The following RAB10 variants were observed in gnomAD, a reference collection of about 807,000 sequenced individuals.
The protein encoded by RAB10 is ras-related protein Rab-10.
In RAB10, 5 loss-of-function variants were observed where a neutral mutation model predicts 25.7. That is an observed-to-expected ratio of 0.19 (90% confidence interval 0.10 to 0.41). RAB10 has a LOEUF of 0.41. Among genes scored for constraint, RAB10 ranks in the 10% least tolerant of loss-of-function variants. The pLI, the probability that RAB10 is intolerant of heterozygous loss-of-function variation, is 1.00. For synonymous variants in RAB10, 89 were observed against 86.4 expected, an observed-to-expected ratio of 1.03 and a Z score of -0.16; for missense variants, 103 against 245.8, an observed-to-expected ratio of 0.42 and a Z score of 3.89.
intron 1 of RAB10, among the ~76,000 whole-genome samples, chr2:26,096,170 AAAT>A (rs1426576318): frequency 1.3e-5 from 2 of 152,188 alleles, no homozygotes; most frequent in African/African-American, 4.8e-5. Flanking sequence ...ATTTGTCTGC[AAAT>A]TTACTTAATA....
rs546125636 is a variant in RAB10, at chr2:26,128,593, CA to C, written c.519+645del. On this transcript the variant is annotated intron_variant, in intron 5 of 5. Coordinates refer to ENST00000264710, the MANE Select transcript of RAB10 (RefSeq NM_016131.5). ...TCGCTTAATGAGTACTTTGCATTCT[CA>C]AAGATAATTTAGGAAATTTTAAGAA... Among the ~76,000 whole-genome samples the C allele has an allele frequency of 5.2e-4, 65 of 125,014 alleles. 2 individuals are homozygous for C. In the South Asian group the frequency reaches 0.017, roughly 32 times the overall value. 82.0% of individuals were successfully genotyped at this position (125,014 alleles called of 152,430 possible).
In RAB10 at chr2:26,034,731, C is replaced by T. The variant is rs1665725908; in HGVS notation, c.123C>T (p.Thr41=). ...CCTTCAATACTACCTTTATTTCCAC[C>T]ATAGGTAAGACCTGTGGGAGGACGG... ...DDAFNTTFIS[T]IGIDFKIKTV... The change falls in exon 1 of 6, where the codon ACC becomes ACT. Residue 41 remains threonine, a synonymous_variant. Coordinates refer to ENST00000264710, the MANE Select transcript of RAB10 (RefSeq NM_016131.5). 1 of 1,614,162 alleles carries T rather than the reference C, an allele frequency of 6.2e-7. No homozygotes were observed. The highest frequency in any genetic ancestry group is 8.5e-7 in the Non-Finnish European group (1 of 1,179,994).
At chr2:26,124,986 T>C (rs994833031) in intron 3 of RAB10, among the ~76,000 whole-genome samples, 1 of 152,240 alleles carries the variant, frequency 6.6e-6, no homozygotes, top group African/African-American at 2.4e-5. Context: ...TTATATGCCA[T>C]GTTCTGTTTA....
At chr2:26,068,766 C>T (rs1276522217) in intron 1 of RAB10, among the ~76,000 whole-genome samples, 1 of 152,174 alleles carries the variant, frequency 6.6e-6, no homozygotes, top group Non-Finnish European at 1.5e-5. Context: ...TGGGCTGAGT[C>T]TTGCTGAGTC....
intron 1 of RAB10, among the ~76,000 whole-genome samples, chr2:26,069,145 G>A (rs935781687): frequency 6.6e-6 from 1 of 152,124 alleles, no homozygotes; most frequent in Non-Finnish European, 1.5e-5. Flanking sequence ...CCAAAAAGTT[G>A]GCTTTGGTAA....
chr2:26,091,293 G>A (rs1667101170), intron 1 of RAB10, among the ~76,000 whole-genome samples: 1 of 152,150 alleles, frequency 6.6e-6, no homozygotes, highest in African/African-American at 2.4e-5. Flanking sequence ...CAGGAAGAAG[G>A]TTAGAAGTGT....
At chr2:26,105,215 C>G (rs974126190) in intron 2 of RAB10, among the ~76,000 whole-genome samples, 2 of 152,172 alleles carry the variant, frequency 1.3e-5, no homozygotes, top group African/African-American at 4.8e-5. Flanking sequence ...GAAGATCACT[C>G]TGGCTGGTGT....
chr2:26,057,979 C>T (rs1267673892), intron 1 of RAB10, among the ~76,000 whole-genome samples: 1 of 152,030 alleles, frequency 6.6e-6, no homozygotes, highest in African/African-American at 2.4e-5. Flanking sequence ...GGCTGATAAC[C>T]CCTACTTTGA....
chr2:26,125,112 T>A (rs1229874011), intron 3 of RAB10, among the ~76,000 whole-genome samples: 1 of 152,202 alleles, frequency 6.6e-6, no homozygotes, highest in Admixed American at 6.5e-5. Flanking sequence ...TTCTTCTGCG[T>A]GTATACCCAT....
At chr2:26,081,109 C>G (rs1279778518) in intron 1 of RAB10, among the ~76,000 whole-genome samples, 4 of 152,160 alleles carry the variant, frequency 2.6e-5, no homozygotes, top group Non-Finnish European at 1.5e-5. Flanking sequence ...TTTCCCTGCA[C>G]AAGCTCTCTC....
chr2:26,046,053 G>C (rs1224274453), intron 1 of RAB10, among the ~76,000 whole-genome samples: 7 of 152,110 alleles, frequency 4.6e-5, no homozygotes, highest in Admixed American at 4.6e-4. Flanking sequence ...GGCCCGGTGC[G>C]GTGGCTCACG....
At chr2:26,062,708 G>T (rs994692176) in intron 1 of RAB10, among the ~76,000 whole-genome samples, 1 of 117,888 alleles carries the variant, frequency 8.5e-6, no homozygotes, top group Admixed American at 8.5e-5. Context: ...ATAAATAAAG[G>T]AAAGGAAAAA....
At chr2:26,128,252 A>C (rs552597958) in intron 5 of RAB10, among the ~76,000 whole-genome samples, 7 of 152,106 alleles carry the variant, frequency 4.6e-5, no homozygotes, top group Non-Finnish European at 7.3e-5. Context: ...TGGGGTTTGC[A>C]CTCCTATGAG....
rs537322000 is a variant in RAB10, at chr2:26,076,212, A to T, written c.128-22450A>T. On this transcript the variant is annotated intron_variant, in intron 1 of 5. Coordinates refer to ENST00000264710, the MANE Select transcript of RAB10 (RefSeq NM_016131.5). ...ATGATAATACCCACTGTAGGTGGGG[A>T]AAACAGAGACCTGGAGAAGTTAAAA... 4.1e-3 allele frequency among the ~76,000 whole-genome samples: 273 copies of T among 65,896 alleles called. 1 individual carries two copies. The highest frequency in any genetic ancestry group is 0.011 in the African/African-American group (265 of 23,198). The allele number at this position is 65,896 out of a possible 152,430, so 43.2% of individuals were successfully genotyped here. A position where few individuals can be genotyped will look rare whatever the true frequency, so the allele number is the denominator to read the frequency against.
At chr2:26,046,170 C>G (rs1011804340) in intron 1 of RAB10, among the ~76,000 whole-genome samples, 1 of 151,920 alleles carries the variant, frequency 6.6e-6, no homozygotes, top group South Asian at 2.1e-4. Flanking sequence ...ACTAAAAATA[C>G]AAAAATTAGC....
intron 1 of RAB10, among the ~76,000 whole-genome samples, chr2:26,074,406 A>G (rs1212709819): frequency 6.6e-6 from 1 of 151,976 alleles, no homozygotes; most frequent in Non-Finnish European, 1.5e-5. Context: ...AAAGTATTTT[A>G]TTTTTTTAAT....
intron 1 of RAB10, among the ~76,000 whole-genome samples, chr2:26,068,547 T>C (rs944533904): frequency 2.6e-5 from 4 of 151,986 alleles, no homozygotes; most frequent in African/African-American, 9.7e-5. Flanking sequence ...AGTGAGCCTT[T>C]AATTTTTTTT....
intron 1 of RAB10, among the ~76,000 whole-genome samples, chr2:26,095,898 A>G (rs1174048434): frequency 1.3e-5 from 2 of 152,216 alleles, no homozygotes; most frequent in South Asian, 2.1e-4. Context: ...TGACAGAGCG[A>G]CAGCCAGTCT....
At chr2:26,047,232 A>C (rs182856424) in intron 1 of RAB10, among the ~76,000 whole-genome samples, 2 of 152,096 alleles carry the variant, frequency 1.3e-5, no homozygotes, top group Non-Finnish European at 2.9e-5. Flanking sequence ...ATATTTCTAC[A>C]CTCCAAACCT....
Sources: gnomAD v4.1 joint callset for allele counts (sites outside exome capture counted in the v4.1 genomes callset) on GRCh38, gnomAD v4.1.1 for gene constraint, MANE v1.5 for transcripts, NCBI Gene and HGNC (gene_info 2026-07-23, HGNC 2026-07-21) for gene names.